The following CSMD1 variants were observed in gnomAD, a reference collection of about 807,000 sequenced individuals.
CSMD1 encodes CUB and Sushi multiple domains 1, also known as CUB and sushi domain-containing protein 1.
A neutral mutation model predicts 417.5 loss-of-function variants in CSMD1; 213 were observed. The observed-to-expected ratio is 0.51, with a 90% CI of 0.46 to 0.57. CSMD1 has a LOEUF of 0.57. Ranked by LOEUF, CSMD1 falls within the 20% of genes least tolerant of loss-of-function variation. The pLI, the probability that CSMD1 is intolerant of heterozygous loss-of-function variation, is 0.00. For synonymous variants in CSMD1, 2,862 were observed against 1,736.8 expected (o/e 1.65, Z -16.11); for missense variants, 6,923 against 4,529.7 (o/e 1.53, Z -15.17).
intron 2 of CSMD1, among the ~76,000 whole-genome samples, chr8:4,436,834 G>A (rs940277778): frequency 2.0e-5 from 3 of 152,134 alleles, no homozygotes; most frequent in Non-Finnish European, 4.4e-5. Flanking sequence ...CCATGTTGGT[G>A]CAAATGAGTG....
chr8:4,219,863 A>G (rs190638277), intron 3 of CSMD1, among the ~76,000 whole-genome samples: 2 of 152,332 alleles, frequency 1.3e-5, no homozygotes, highest in South Asian at 2.1e-4. Context: ...AGTGCATAGA[A>G]AGACAAAATC....
rs568342255 is a variant in CSMD1, at chr8:4,144,278, C to T, written c.416-112179G>A. 7.3e-5 allele frequency among the ~76,000 whole-genome samples: 11 copies of T among 151,114 alleles called. 1 individual carries two copies. The South Asian group carries it at 1.0e-3, about 14-fold the overall frequency. On this transcript the variant is annotated intron_variant, in intron 3 of 69. Coordinates refer to ENST00000635120, the MANE Select transcript of CSMD1 (RefSeq NM_033225.6). ...CCTCAAGACCTTATTCTGCCTCACA[C>T]TCACCCCACTTAAACAGGATACCCC...
chr8:4,613,921 T>G (rs1237289567), intron 2 of CSMD1, among the ~76,000 whole-genome samples: 5 of 151,130 alleles, frequency 3.3e-5, no homozygotes, highest in African/African-American at 1.2e-4. Flanking sequence ...TGAAATTTAG[T>G]AGAGATAGAG....
chr8:4,643,071 A>T (rs1243523986), intron 1 of CSMD1, among the ~76,000 whole-genome samples: 1 of 152,226 alleles, frequency 6.6e-6, no homozygotes, highest in African/African-American at 2.4e-5. Flanking sequence ...AAGCGTATAT[A>T]GATTTGTGTG....
chr8:3,230,401 A>G (rs1798764489), intron 26 of CSMD1, among the ~76,000 whole-genome samples, 170 bp from the exon 27 acceptor site: 2 of 152,238 alleles, frequency 1.3e-5, no homozygotes, highest in Admixed American at 1.3e-4. Context: ...ATTCAATAAC[A>G]TACATCTTCA....
intron 2 of CSMD1, among the ~76,000 whole-genome samples, chr8:4,606,868 A>G (rs1482177236): frequency 6.6e-6 from 1 of 152,216 alleles, no homozygotes; most frequent in African/African-American, 2.4e-5. Context: ...TGAAATCACA[A>G]AAATAACTCA....
intron 6 of CSMD1, among the ~76,000 whole-genome samples, chr8:3,721,346 G>A (rs541428714): frequency 1.0e-3 from 153 of 152,234 alleles, no homozygotes; most frequent in Non-Finnish European, 2.0e-3. Context: ...ATTTTTACTA[G>A]TGACGGCAGA....
chr8:3,371,476 G>A (rs1375935307), intron 18 of CSMD1, among the ~76,000 whole-genome samples: 3 of 104,350 alleles, frequency 2.9e-5, no homozygotes, highest in East Asian at 3.1e-4. Flanking sequence ...AGGTTCCTTT[G>A]CTTTTTTTTT....
In CSMD1 at chr8:2,965,943, C is replaced by T. The variant is rs1224145788; in HGVS notation, c.9112G>A (p.Gly3038Arg). The change falls in exon 59 of 70, where the codon GGG becomes AGG. Residue 3038 changes from glycine to arginine, a missense_variant. Physicochemically the swap from Gly to Arg is moderately radical, Grantham distance 125 (BLOSUM62 -2). Transcript: ENST00000635120. The stretch of plus-strand genomic sequence containing the variant: ...CCATTTGCTAGTGTGCCTGGATCCC[C>T]ACAACTTATAACTAATAAACAGGGA... The part of the protein sequence containing the change: ...TAPDCTIISC[G>R]DPGTLANGIQ... The T allele has an allele frequency of 1.4e-5, 22 of 1,604,452 alleles. No individual in the cohort carries two copies. The highest frequency in any genetic ancestry group is 2.7e-5 in the African/African-American group (2 of 74,794).
At chr8:4,920,672 A>T (rs1370255039) in intron 1 of CSMD1, among the ~76,000 whole-genome samples, 1 of 151,842 alleles carries the variant, frequency 6.6e-6, no homozygotes, top group Non-Finnish European at 1.5e-5. Flanking sequence ...ATACCAAAAA[A>T]ATAGCCATGC....
intron 9 of CSMD1, among the ~76,000 whole-genome samples, chr8:3,581,636 T>A (rs1024045325): frequency 9.9e-5 from 15 of 152,202 alleles, no homozygotes; most frequent in African/African-American, 3.4e-4. Context: ...TGCACCTCGC[T>A]GGAATACCTT....
chr8:4,365,156 T>G (rs1192890235), intron 3 of CSMD1, among the ~76,000 whole-genome samples: 3 of 152,222 alleles, frequency 2.0e-5, no homozygotes, highest in Non-Finnish European at 2.9e-5. Flanking sequence ...TATCATATTT[T>G]TATTTTGAAT....
intron 50 of CSMD1, among the ~76,000 whole-genome samples, chr8:3,034,918 C>T (rs944707434): frequency 6.6e-6 from 1 of 152,086 alleles, no homozygotes; most frequent in South Asian, 2.1e-4. Flanking sequence ...CGTGAGCCAG[C>T]GGCACTGTGG....
Position 2,982,443 on chromosome 8 carries a change from G to T in CSMD1, c.8378-3643C>A, listed in dbSNP as rs547916472. ...CTTTCAAACTTTCTTGAGGATCATG[G>T]AGGTCCTTCCTATCCAGTAATGTCC... On this transcript the variant is annotated intron_variant, in intron 54 of 69. Transcript: ENST00000635120. Among the ~76,000 whole-genome samples, 3 of 152,330 alleles carry T rather than the reference G, an allele frequency of 2.0e-5. No individual in the cohort carries two copies. In the South Asian group the frequency reaches 6.2e-4, roughly 32 times the overall value.
At chr8:4,049,973 G>A (rs555182834) in intron 3 of CSMD1, among the ~76,000 whole-genome samples, 54 of 152,218 alleles carry the variant, frequency 3.5e-4, no homozygotes, top group African/African-American at 1.3e-3. Flanking sequence ...TCCTGGCTGG[G>A]GCAGCTTCTC....
rs1182840279 is a variant in CSMD1 at position 3,052,533 on chromosome 8, C to G, written c.7589G>C (p.Ser2530Thr). 3.1e-6 allele frequency: 5 copies of G among 1,606,284 alleles called. No homozygotes were observed. Among genetic ancestry groups the G allele is most frequent in the African/African-American group, 1.3e-5 (1 of 74,936 alleles). ...ECHEGFKLES[S>T]QQATAVCQED... ...TTGACACACGGCTGTTGCTTGCTGG[C>G]TGGATTCAAGCTTGAAGCCCTCATG... is the stretch of plus-strand genomic sequence containing the variant. The change falls in exon 50 of 70, where the codon AGC (serine) becomes ACC (threonine). Residue 2530 changes from serine (S) to threonine (T), a missense_variant. Transcript: ENST00000635120.
intron 1 of CSMD1, among the ~76,000 whole-genome samples, chr8:4,810,929 G>C (rs770480735): frequency 1.3e-5 from 2 of 152,116 alleles, no homozygotes; most frequent in East Asian, 1.9e-4. Flanking sequence ...TGAAATATGA[G>C]ATTAAAGAAT....
intron 25 of CSMD1, among the ~76,000 whole-genome samples, chr8:3,307,210 G>T (rs1048361533): frequency 6.6e-6 from 1 of 151,992 alleles, no homozygotes; most frequent in Non-Finnish European, 1.5e-5. Flanking sequence ...GTAAGCACAA[G>T]TTGGAAATTT....
intron 40 of CSMD1, among the ~76,000 whole-genome samples, chr8:3,150,745 A>C (rs1225201111): frequency 6.6e-6 from 1 of 152,194 alleles, no homozygotes; most frequent in Non-Finnish European, 1.5e-5. Flanking sequence ...TAAAATACGA[A>C]GGAAACCAGG....
Sources: gnomAD v4.1 joint callset for allele counts (sites outside exome capture counted in the v4.1 genomes callset) on GRCh38, gnomAD v4.1.1 for gene constraint, MANE v1.5 for transcripts, NCBI Gene and HGNC (gene_info 2026-07-23, HGNC 2026-07-21) for gene names.